CDH13: variants seen among roughly 807,000 people sequenced by gnomAD.
CDH13 encodes cadherin-13.
CDH13 carries 24 observed loss-of-function variants against 63.8 expected under a neutral mutation model. That is an observed-to-expected ratio of 0.38 (90% CI 0.27 to 0.53). The LOEUF (loss-of-function observed/expected upper bound fraction) is 0.53, where lower values mean the gene tolerates loss of function less well. Ranked by LOEUF, CDH13 falls within the 20% of genes least tolerant of loss-of-function variation. The pLI is 0.85. For synonymous variants in CDH13, 503 were observed against 355.3 expected, an observed-to-expected ratio of 1.42 and a Z score of -4.67; for missense variants, 1,049 against 903.1, an observed-to-expected ratio of 1.16 and a Z score of -2.07.
chr16:82,778,313 G>A (rs868582697), intron 1 of CDH13, among the ~76,000 whole-genome samples: 10 of 152,026 alleles, frequency 6.6e-5, no homozygotes, highest in Non-Finnish European at 1.3e-4. Context: ...AATTGTGCTG[G>A]TGTAGAAATA....
intron 2 of CDH13, among the ~76,000 whole-genome samples, chr16:82,978,485 C>G (rs1297480222): frequency 6.6e-6 from 1 of 152,222 alleles, no homozygotes; most frequent in East Asian, 1.9e-4. Flanking sequence ...CCAAGTCTCC[C>G]CTGCTTTGTG....
At chr16:82,695,672 C>T (rs1026928970) in intron 1 of CDH13, among the ~76,000 whole-genome samples, 1 of 152,132 alleles carries the variant, frequency 6.6e-6, no homozygotes, top group Non-Finnish European at 1.5e-5. Context: ...AGTCAAAGCC[C>T]CTATCTGAAT....
chr16:82,707,226 A>T (rs1365985324), intron 1 of CDH13, among the ~76,000 whole-genome samples: 1 of 152,256 alleles, frequency 6.6e-6, no homozygotes, highest in Admixed American at 6.5e-5. Flanking sequence ...CCATTAACTG[A>T]ACAAAAGCCA....
chr16:83,179,858 G>A (rs916231924), intron 4 of CDH13, among the ~76,000 whole-genome samples: 10 of 151,450 alleles, frequency 6.6e-5, no homozygotes, highest in African/African-American at 2.4e-4. Context: ...ACTAAAGTTA[G>A]TTCAACATAT....
intron 5 of CDH13, among the ~76,000 whole-genome samples, chr16:83,295,480 TAGAA>T (rs1260302784): frequency 6.6e-6 from 1 of 151,506 alleles, no homozygotes; most frequent in Non-Finnish European, 1.5e-5. Flanking sequence ...TCTGATAAAA[TAGAA>T]AAAACAATGA....
At chr16:83,790,626 A>G (rs1328563962) in intron 13 of CDH13, among the ~76,000 whole-genome samples, 1 of 151,868 alleles carries the variant, frequency 6.6e-6, no homozygotes, top group East Asian at 1.9e-4. Context: ...GATGGTCTCG[A>G]TCTCCCGACC....
At chr16:83,060,443 G>T (rs2031426921) in intron 3 of CDH13, among the ~76,000 whole-genome samples, 2 of 152,180 alleles carry the variant, frequency 1.3e-5, no homozygotes, top group Admixed American at 1.3e-4. Context: ...GAGAACTGTA[G>T]AGTCTTCCTG....
chr16:83,158,832 G>A (rs2037328017), intron 4 of CDH13, among the ~76,000 whole-genome samples: 1 of 152,214 alleles, frequency 6.6e-6, no homozygotes, highest in Non-Finnish European at 1.5e-5. Flanking sequence ...GGGCGGCGGG[G>A]TGGTCCTTGG....
intron 1 of CDH13, among the ~76,000 whole-genome samples, chr16:82,701,053 A>G (rs1446605772): frequency 2.1e-5 from 3 of 143,390 alleles, no homozygotes; most frequent in African/African-American, 7.8e-5. Flanking sequence ...TATCTCCTCC[A>G]TGAGTCAGTT....
chr16:83,139,749 A>T (rs966654667), intron 4 of CDH13, among the ~76,000 whole-genome samples: 1 of 152,178 alleles, frequency 6.6e-6, no homozygotes, highest in East Asian at 1.9e-4. Flanking sequence ...CATGCCTGTA[A>T]TCCCAGCACT....
intron 6 of CDH13, among the ~76,000 whole-genome samples, chr16:83,412,642 T>C (rs1210028915): frequency 6.6e-6 from 1 of 151,918 alleles, no homozygotes; most frequent in Non-Finnish European, 1.5e-5. Context: ...GAAGGTGGGG[T>C]GGGGCACATC....
At chr16:83,548,085 T>C (rs1178928731) in intron 7 of CDH13, among the ~76,000 whole-genome samples, 1 of 140,832 alleles carries the variant, frequency 7.1e-6, no homozygotes, top group Non-Finnish European at 1.6e-5. Context: ...GCCAGATAGA[T>C]TGGAGCAGGA....
At chr16:83,538,344 A>G (rs1178828762) in intron 7 of CDH13, among the ~76,000 whole-genome samples, 2 of 152,212 alleles carry the variant, frequency 1.3e-5, no homozygotes, top group Non-Finnish European at 2.9e-5. Context: ...AAGCAGTCAC[A>G]CTATACTCAT....
chr16:83,250,337 G>C (rs993848023), intron 5 of CDH13, among the ~76,000 whole-genome samples: 2 of 152,160 alleles, frequency 1.3e-5, no homozygotes, highest in East Asian at 1.9e-4. Context: ...CAAGTGTTGA[G>C]ATTAGAGGGA....
intron 7 of CDH13, among the ~76,000 whole-genome samples, chr16:83,582,685 A>G (rs1267108699): frequency 2.6e-5 from 4 of 152,166 alleles, no homozygotes; most frequent in Non-Finnish European, 5.9e-5. Context: ...CACTGCAAAG[A>G]GCCACAAATA....
chr16:82,751,722 T>C (rs2034424153), intron 1 of CDH13, among the ~76,000 whole-genome samples: 1 of 148,362 alleles, frequency 6.7e-6, no homozygotes, highest in African/African-American at 2.5e-5. Context: ...AAAAAAAAAG[T>C]TTTGTCTGCT....
At chr16:83,579,475 G>T (rs758577172) in intron 7 of CDH13, among the ~76,000 whole-genome samples, 11 of 152,084 alleles carry the variant, frequency 7.2e-5, no homozygotes, top group Non-Finnish European at 1.3e-4. Flanking sequence ...GAAGGAGGAA[G>T]AGAGAGAAGG....
At chr16:82,869,006 C>T (rs1355179497) in intron 2 of CDH13, among the ~76,000 whole-genome samples, 1 of 152,124 alleles carries the variant, frequency 6.6e-6, no homozygotes, top group Non-Finnish European at 1.5e-5. Context: ...GTTTTGAGGG[C>T]TAAATATTAA....
intron 6 of CDH13, among the ~76,000 whole-genome samples, chr16:83,434,379 A>G (rs1427407858): frequency 1.3e-5 from 2 of 152,138 alleles, no homozygotes; most frequent in Non-Finnish European, 2.9e-5. Context: ...GACATGCAAG[A>G]TGACTTCCTC....
Sources: allele counts gnomAD v4.1 joint callset (sites outside exome capture counted in the v4.1 genomes callset), GRCh38; gene constraint gnomAD v4.1.1; transcripts MANE v1.5; gene names NCBI Gene and HGNC (gene_info 2026-07-23, HGNC 2026-07-21).